The following CNTNAP2 variants were observed in gnomAD, a reference collection of about 807,000 sequenced individuals.
CNTNAP2 encodes the protein contactin-associated protein-like 2.
A neutral mutation model predicts 155.2 loss-of-function variants in CNTNAP2; 98 were observed. The observed-to-expected ratio is 0.63, with a 90% CI of 0.54 to 0.75. The LOEUF is 0.75. Ranked by LOEUF, CNTNAP2 falls within the 30% of genes least tolerant of loss-of-function variation. The pLI, the probability that CNTNAP2 is intolerant of heterozygous loss-of-function variation, is 0.00. For synonymous variants in CNTNAP2, 651 were observed against 631.2 expected (o/e 1.03, Z -0.47); for missense variants, 1,727 against 1,688.1 (o/e 1.02, Z -0.40).
At position 147,120,998 on chromosome 7, in the gene CNTNAP2, C is replaced by G; in HGVS notation, c.774C>G (p.Pro258=). The G allele has an allele frequency of 6.2e-7, 1 of 1,613,726 alleles. No individual in the cohort carries two copies. Among genetic ancestry groups the G allele is most frequent in the Non-Finnish European group, 8.5e-7 (1 of 1,179,944 alleles). Reference sequence around the variant, plus strand: ...ACGCAGGAAGCAACCAGCTTGGCCCCATATATGGCCACACATCAGTGATGA... The same window carrying G: ...ACGCAGGAAGCAACCAGCTTGGCCCGATATATGGCCACACATCAGTGATGA... The part of the protein sequence containing the change: ...SLNLGSNQLG[P]IYGHTSVMTG... Residue 258 remains proline (P), a synonymous_variant, in exon 6 of 24, where the codon CCC becomes CCG. Coordinates refer to ENST00000361727, the MANE Select transcript of CNTNAP2 (RefSeq NM_014141.6).
chr7:147,213,358 C>G lies in CNTNAP2; in HGVS notation c.1348+80849C>G, dbSNP rs145757105. Among the ~76,000 whole-genome samples, 54 of 152,236 alleles carry G rather than the reference C, an allele frequency of 3.5e-4. 1 individual carries two copies. The highest frequency in any genetic ancestry group is 2.1e-4 in the Non-Finnish European group (14 of 68,010). On this transcript the variant is annotated intron_variant, in intron 8 of 23. Transcript: ENST00000361727. Reference sequence around the variant, plus strand: ...TCAGTTTGCTGATTCAAATAATAATCTCTTCCAGAAACATTGTCACAGGCA... The same window carrying G: ...TCAGTTTGCTGATTCAAATAATAATGTCTTCCAGAAACATTGTCACAGGCA...
intron 21 of CNTNAP2, among the ~76,000 whole-genome samples, chr7:148,326,478 C>T (rs12704008): frequency 0.31 from 47,445 of 152,096 alleles, 8,108 homozygotes; most frequent in Non-Finnish European, 0.4. Flanking sequence ...ACTCCTCACT[C>T]CCATGATTCT....
At chr7:147,807,994 A>G (rs192263593) in intron 13 of CNTNAP2, among the ~76,000 whole-genome samples, 1 of 152,030 alleles carries the variant, frequency 6.6e-6, no homozygotes, top group Non-Finnish European at 1.5e-5. Flanking sequence ...TTTAAAAAAA[A>G]AAAATAAAAA....
intron 15 of CNTNAP2, among the ~76,000 whole-genome samples, chr7:148,114,867 C>T (rs1804432281): frequency 6.6e-6 from 1 of 152,190 alleles, no homozygotes; most frequent in African/African-American, 2.4e-5. Flanking sequence ...CTAACATCAT[C>T]TGCCTGAGCC....
At chr7:147,322,002 C>G (rs1287493254) in intron 9 of CNTNAP2, among the ~76,000 whole-genome samples, 2 of 152,128 alleles carry the variant, frequency 1.3e-5, no homozygotes, top group Non-Finnish European at 2.9e-5. Context: ...AAGGCTAATG[C>G]AGTGTTCCAT....
At chr7:146,630,015 G>C (rs1398386995) in intron 1 of CNTNAP2, among the ~76,000 whole-genome samples, 1 of 151,610 alleles carries the variant, frequency 6.6e-6, no homozygotes, top group East Asian at 1.9e-4. Flanking sequence ...AAGTTCTGGG[G>C]TACATGTGCA....
chr7:146,532,859 C>T (rs868305107), intron 1 of CNTNAP2, among the ~76,000 whole-genome samples: 10 of 151,580 alleles, frequency 6.6e-5, no homozygotes, highest in African/African-American at 2.2e-4. Flanking sequence ...CCGAGGCGGG[C>T]GGATCACAAG....
At chr7:147,500,989 T>C (rs1289385576) in intron 11 of CNTNAP2, among the ~76,000 whole-genome samples, 2 of 151,824 alleles carry the variant, frequency 1.3e-5, no homozygotes, top group Non-Finnish European at 2.9e-5. Context: ...TTCAAGAAAA[T>C]AGCAGCAAAC....
chr7:147,503,150 T>C (rs1584775803), intron 11 of CNTNAP2, among the ~76,000 whole-genome samples: 1 of 152,328 alleles, frequency 6.6e-6, no homozygotes, highest in Admixed American at 6.5e-5. Context: ...TTGAAATTTC[T>C]AGGAAAGACT....
chr7:146,543,111 T>C (rs1265987948), intron 1 of CNTNAP2, among the ~76,000 whole-genome samples: 1 of 151,926 alleles, frequency 6.6e-6, no homozygotes, highest in Non-Finnish European at 1.5e-5. Flanking sequence ...CAATGTTAAT[T>C]ACCCAAATGC....
intron 20 of CNTNAP2, among the ~76,000 whole-genome samples, chr7:148,233,929 C>G (rs1020991620): frequency 6.6e-6 from 1 of 152,176 alleles, no homozygotes; most frequent in Non-Finnish European, 1.5e-5. Context: ...GTGTGTAGCA[C>G]CTCCTGCTTT....
At chr7:147,317,460 ACCAGCATCATGTTGG>A (rs1234728918) in intron 9 of CNTNAP2, among the ~76,000 whole-genome samples, 1 of 152,198 alleles carries the variant, frequency 6.6e-6, no homozygotes, top group Non-Finnish European at 1.5e-5. Flanking sequence ...GCTTCTGTGC[ACCAGCATCATGTTGG>A]CCTTCCTTGA....
At chr7:148,289,072 C>T (rs1797146415) in intron 21 of CNTNAP2, among the ~76,000 whole-genome samples, 1 of 151,942 alleles carries the variant, frequency 6.6e-6, no homozygotes, top group Non-Finnish European at 1.5e-5. Context: ...CCTTTGATTA[C>T]CCCAATATTC....
At chr7:148,306,129 A>T (rs1241724537) in intron 21 of CNTNAP2, among the ~76,000 whole-genome samples, 2 of 152,218 alleles carry the variant, frequency 1.3e-5, no homozygotes, top group Non-Finnish European at 2.9e-5. Flanking sequence ...ATTTCCCTTC[A>T]CAAGTTTGAA....
intron 11 of CNTNAP2, among the ~76,000 whole-genome samples, chr7:147,518,197 A>G (rs1799163633): frequency 6.6e-6 from 1 of 152,238 alleles, no homozygotes; most frequent in African/African-American, 2.4e-5. Flanking sequence ...ATCCTTGGAG[A>G]AGAAATGAAC....
chr7:148,415,782 AAAAAAAAAACCTTTT>A lies in CNTNAP2; in HGVS notation c.*167_*181del. On this transcript the variant is annotated 3_prime_UTR_variant, in exon 24 of 24. Coordinates refer to ENST00000361727, the MANE Select transcript of CNTNAP2 (RefSeq NM_014141.6). ...TGGAATATTCTTGAGACTGATCACA[AAAAAAAAAACCTTTT>A]TAATATTTCTTTATAGCTGAGTTTT... 4.2e-6 allele frequency: 3 copies of A among 712,532 alleles called. No homozygotes were observed. Among genetic ancestry groups the A allele is most frequent in the Non-Finnish European group, 6.9e-6 (3 of 436,168 alleles). 44.1% of individuals were successfully genotyped at this position (712,532 alleles called of 1,614,324 possible). A position where few individuals can be genotyped will look rare whatever the true frequency, so the allele number is the denominator to read the frequency against.
chr7:146,118,036 G>A (rs1173960080), intron 1 of CNTNAP2, among the ~76,000 whole-genome samples: 2 of 152,200 alleles, frequency 1.3e-5, no homozygotes, highest in African/African-American at 4.8e-5. Context: ...CATATGCGAA[G>A]TAGTCTTTGT....
At chr7:147,522,553 G>A (rs1584789374) in intron 11 of CNTNAP2, among the ~76,000 whole-genome samples, 1 of 151,798 alleles carries the variant, frequency 6.6e-6, no homozygotes, top group South Asian at 2.1e-4. Context: ...AATTTCAAGG[G>A]AGCATATTAG....
chr7:147,893,284 A>G lies in CNTNAP2; in HGVS notation c.2099-10281A>G, dbSNP rs1346954945. 2.6e-5 allele frequency among the ~76,000 whole-genome samples: 4 copies of G among 152,198 alleles called. No individual in the cohort carries two copies. The East Asian group carries it at 7.7e-4, about 29-fold the overall frequency. ...GTAAAAGACAGGAATTTTTGACTCC[A>G]GACCATGGTTATAAAACTGAGAAAA... is the stretch of plus-strand genomic sequence containing the variant. On this transcript the variant is annotated intron_variant, in intron 13 of 23. Coordinates refer to ENST00000361727, the MANE Select transcript of CNTNAP2 (RefSeq NM_014141.6).
Sources: gnomAD v4.1 joint callset for allele counts (sites outside exome capture counted in the v4.1 genomes callset) on GRCh38, gnomAD v4.1.1 for gene constraint, MANE v1.5 for transcripts, NCBI Gene and HGNC (gene_info 2026-07-23, HGNC 2026-07-21) for gene names.